HS3ST4: variants seen among roughly 807,000 people sequenced by gnomAD.
HS3ST4 encodes the protein heparan sulfate glucosamine 3-O-sulfotransferase 4.
A neutral mutation model predicts 29.2 loss-of-function variants in HS3ST4; 17 were observed. The observed-to-expected ratio is 0.58, with a 90% CI of 0.40 to 0.87. The LOEUF is 0.87. HS3ST4 is among the 40% of genes least tolerant of loss of function. HS3ST4 has a pLI of 0.00. For missense variants in HS3ST4, 627 were observed against 634.5 expected (o/e 0.99, Z 0.13); for synonymous variants, 314 against 285.7 (o/e 1.10, Z -1.00).
chr16:25,802,262 CATTTACGTATTA>C (rs1966946387), intron 1 of HS3ST4, among the ~76,000 whole-genome samples: 1 of 152,072 alleles, frequency 6.6e-6, no homozygotes, highest in Non-Finnish European at 1.5e-5. Context: ...AATTTTTATT[CATTTACGTATTA>C]CATTGGTGAA....
At chr16:25,872,564 G>A (rs1364181288) in intron 1 of HS3ST4, among the ~76,000 whole-genome samples, 3 of 151,530 alleles carry the variant, frequency 2.0e-5, no homozygotes, top group African/African-American at 4.8e-5. Context: ...TCGCCCATGT[G>A]TCTCTCAGTG....
At chr16:25,785,841 G>A (rs1215669167) in intron 1 of HS3ST4, among the ~76,000 whole-genome samples, 1 of 152,134 alleles carries the variant, frequency 6.6e-6, no homozygotes, top group Non-Finnish European at 1.5e-5. Flanking sequence ...GGTAATGGGC[G>A]GTGCAGGGCA....
At chr16:25,820,431 T>C (rs1298929464) in intron 1 of HS3ST4, among the ~76,000 whole-genome samples, 16 of 152,280 alleles carry the variant, frequency 1.1e-4, no homozygotes, top group Admixed American at 9.8e-4. Flanking sequence ...CTTTCTCTTG[T>C]GGTCCAGGCT....
intron 1 of HS3ST4, among the ~76,000 whole-genome samples, chr16:25,839,465 A>G (rs1262707340): frequency 6.6e-6 from 1 of 152,332 alleles, no homozygotes; most frequent in East Asian, 1.9e-4. Flanking sequence ...GACAGTTAGT[A>G]GTGGTTTCTC....
At chr16:25,712,589 A>G (rs375783990) in intron 1 of HS3ST4, among the ~76,000 whole-genome samples, 76 of 152,278 alleles carry the variant, frequency 5.0e-4, no homozygotes, top group African/African-American at 1.8e-3. Context: ...TGACAACAAC[A>G]AAAATTGTTA....
intron 1 of HS3ST4, among the ~76,000 whole-genome samples, chr16:26,067,041 G>T (rs886936070): frequency 3.3e-5 from 5 of 152,168 alleles, no homozygotes; most frequent in African/African-American, 1.2e-4. Flanking sequence ...CCTTGTAAGT[G>T]CATGGGAATT....
intron 1 of HS3ST4, among the ~76,000 whole-genome samples, chr16:26,054,181 T>C (rs950216595): frequency 2.0e-5 from 3 of 151,746 alleles, no homozygotes; most frequent in African/African-American, 7.3e-5. Flanking sequence ...CTCCTCAGGG[T>C]ATAAACACAA....
chr16:26,072,389 G>T (rs779596982), intron 1 of HS3ST4, among the ~76,000 whole-genome samples: 13 of 152,142 alleles, frequency 8.5e-5, no homozygotes, highest in African/African-American at 3.1e-4. Flanking sequence ...GATAGCTTTG[G>T]TGTGGGACAC....
At chr16:25,879,430 T>A (rs946638842) in intron 1 of HS3ST4, among the ~76,000 whole-genome samples, 14 of 152,066 alleles carry the variant, frequency 9.2e-5, no homozygotes, top group Non-Finnish European at 1.8e-4. Context: ...TCACACATCA[T>A]GGCAGAAGGT....
chr16:26,123,435 T>G (rs1899302569), intron 1 of HS3ST4, among the ~76,000 whole-genome samples: 1 of 152,184 alleles, frequency 6.6e-6, no homozygotes, highest in African/African-American at 2.4e-5. Flanking sequence ...TGGCCAGTGA[T>G]TCCTACCCTG....
intron 1 of HS3ST4, among the ~76,000 whole-genome samples, chr16:25,769,874 C>A (rs940777833): frequency 6.6e-6 from 1 of 152,170 alleles, no homozygotes; most frequent in African/African-American, 2.4e-5. Context: ...GGGGAGACAA[C>A]AAGAAGCAAA....
At chr16:25,725,162 T>G (rs4238915) in intron 1 of HS3ST4, among the ~76,000 whole-genome samples, 110,831 of 151,690 alleles carry the variant, frequency 0.73, 41,449 homozygotes, top group East Asian at 0.83. Context: ...GAAATGCTGC[T>G]TCTCTAAATG....
chr16:26,109,079 G>A (rs796280951), intron 1 of HS3ST4, among the ~76,000 whole-genome samples: 14 of 152,244 alleles, frequency 9.2e-5, no homozygotes, highest in African/African-American at 3.4e-4. Flanking sequence ...AAACCAGAAA[G>A]ATGACATCAC....
chr16:25,873,719 TC>T (rs1967796079), intron 1 of HS3ST4, among the ~76,000 whole-genome samples: 1 of 151,402 alleles, frequency 6.6e-6, no homozygotes, highest in South Asian at 2.1e-4. Flanking sequence ...TGTCCATCTA[TC>T]CATCCATCCA....
intron 1 of HS3ST4, among the ~76,000 whole-genome samples, chr16:25,882,874 C>G (rs1004973036): frequency 2.6e-5 from 4 of 152,134 alleles, no homozygotes; most frequent in African/African-American, 9.7e-5. Flanking sequence ...CTCGCTTCTT[C>G]CTGCAGATCC....
At chr16:26,120,516 TA>T (rs1170583609) in intron 1 of HS3ST4, among the ~76,000 whole-genome samples, 1 of 152,202 alleles carries the variant, frequency 6.6e-6, no homozygotes, top group African/African-American at 2.4e-5. Flanking sequence ...TGGCTGAATT[TA>T]CTCAGCAGAA....
At position 25,734,364 on chromosome 16, in the gene HS3ST4, AG is replaced by A. The variant is rs550457666; in HGVS notation, c.734+41217del. Among the ~76,000 whole-genome samples the A allele has an allele frequency of 1.8e-3, 276 of 152,282 alleles. 3 individuals carry two copies. The highest frequency in any genetic ancestry group is 6.4e-3 in the African/African-American group (267 of 41,560). On this transcript the variant is annotated intron_variant, in intron 1 of 1. Coordinates refer to ENST00000331351, the MANE Select transcript of HS3ST4 (RefSeq NM_006040.3). ...TCTTCCAGCTTGGATCTTAAATTTC[AG>A]GGGTCCACCTCCTCATATTTCTGGG...
At chr16:25,827,542 A>AC (rs895277685) in intron 1 of HS3ST4, among the ~76,000 whole-genome samples, 32 of 150,622 alleles carry the variant, frequency 2.1e-4, no homozygotes, top group Admixed American at 3.9e-4. Flanking sequence ...ACAAAAAAAA[A>AC]AAAAACAACA....
At chr16:26,122,702 G>A (rs1207127158) in intron 1 of HS3ST4, among the ~76,000 whole-genome samples, 1 of 152,118 alleles carries the variant, frequency 6.6e-6, no homozygotes, top group Non-Finnish European at 1.5e-5. Context: ...CTGTGAATCA[G>A]AGCCATCATT....
Sources: gnomAD v4.1 joint callset for allele counts (sites outside exome capture counted in the v4.1 genomes callset) on GRCh38, gnomAD v4.1.1 for gene constraint, MANE v1.5 for transcripts, NCBI Gene and HGNC (gene_info 2026-07-23, HGNC 2026-07-21) for gene names.